BBX: variants seen among roughly 807,000 people sequenced by gnomAD.
The protein encoded by BBX is HMG box transcription factor BBX.
In BBX, 30 loss-of-function variants were observed where a neutral mutation model predicts 100.2. That is an observed-to-expected ratio of 0.30 (90% confidence interval 0.22 to 0.41). The LOEUF is 0.41. BBX is among the 10% of genes least tolerant of loss of function. BBX has a pLI of 1.00. For synonymous variants in BBX, 376 were observed against 388.1 expected (o/e 0.97, Z 0.37); for missense variants, 1,023 against 1,129.8 (o/e 0.91, Z 1.35).
intron 16 of BBX, among the ~76,000 whole-genome samples, chr3:107,799,882 G>A (rs936590092): frequency 7.9e-5 from 12 of 152,140 alleles, no homozygotes; most frequent in Admixed American, 2.0e-4. Context: ...CCCCCCGGCC[G>A]CAAAATCTTG....
chr3:107,620,948 G>T lies in BBX; in HGVS notation c.-83-24888G>T, dbSNP rs1013658763. ...ATTTCTGCGGAGTGTGTGTGTGGGGGGGTGGGGGGAGAAAATCGGAGGTCA... is the reference window on the plus strand; with the variant it reads ...ATTTCTGCGGAGTGTGTGTGTGGGGTGGTGGGGGGAGAAAATCGGAGGTCA... On this transcript the variant is annotated intron_variant, in intron 2 of 17. Transcript: ENST00000325805. Among the ~76,000 whole-genome samples the T allele has an allele frequency of 5.3e-5, 8 of 150,404 alleles. 1 individual carries two copies. The highest frequency in any genetic ancestry group is 7.4e-5 in the African/African-American group (3 of 40,320).
intron 2 of BBX, among the ~76,000 whole-genome samples, chr3:107,563,859 AAG>A (rs1410126467): frequency 6.6e-6 from 1 of 152,162 alleles, no homozygotes; most frequent in East Asian, 1.9e-4. Context: ...GAGTGAATAA[AAG>A]AGCACATTTT....
At chr3:107,748,067 G>C in intron 9 of BBX, 28 bp downstream of exon 9, 2 of 1,589,822 alleles carry the variant, frequency 1.3e-6, no homozygotes, top group Non-Finnish European at 1.7e-6. Flanking sequence ...TGCTTTTTAG[G>C]CTAAGAAAAC....
chr3:107,650,658 G>A (rs2057788889), intron 3 of BBX, among the ~76,000 whole-genome samples: 1 of 152,020 alleles, frequency 6.6e-6, no homozygotes, highest in Non-Finnish European at 1.5e-5. Flanking sequence ...ATTGTTCCAG[G>A]CTGTTCTCTT....
Position 107,798,579 on chromosome 3 carries a change from C to A in BBX, c.2410C>A (p.Pro804Thr). ...GCCTGTTCATAAGGTTAAAAATATC[C>A]CATCCATTTTCAACACTCCAGAGCC... is the stretch of plus-strand genomic sequence containing the variant. ...MEPVHKVKNI[P>T]SIFNTPEPTT... The change falls in exon 16 of 18, where the codon CCA becomes ACA. Residue 804 changes from proline (P) to threonine (T), a missense_variant. By Grantham distance (38) the Pro-to-Thr change is conservative. This residue lies in a region of BBX where 215 missense variants were observed against 211.3 expected (regional missense o/e 1.02). Coordinates refer to ENST00000325805, the MANE Select transcript of BBX (RefSeq NM_001142568.3). 1 of 1,613,852 alleles carries A rather than the reference C, an allele frequency of 6.2e-7. No homozygotes were observed. Among genetic ancestry groups the A allele is most frequent in the Non-Finnish European group, 8.5e-7 (1 of 1,179,908 alleles).
chr3:107,582,056 T>C (rs2052317692), intron 2 of BBX, among the ~76,000 whole-genome samples: 1 of 152,086 alleles, frequency 6.6e-6, no homozygotes, highest in Non-Finnish European at 1.5e-5. Flanking sequence ...CCCAAAACTT[T>C]AGGCAGAAGC....
At chr3:107,698,331 TA>T (rs200614087) in intron 3 of BBX, among the ~76,000 whole-genome samples, 2 of 151,234 alleles carry the variant, frequency 1.3e-5, no homozygotes, top group African/African-American at 2.4e-5. Context: ...ATGTTTTTTT[TA>T]AAAAAAATGT....
At chr3:107,778,288 G>A (rs1253288451) in intron 12 of BBX, 83 bp from the exon 13 acceptor site, 2 of 1,524,892 alleles carry the variant, frequency 1.3e-6, no homozygotes, top group Non-Finnish European at 1.8e-6. Context: ...TTTTCAAATA[G>A]AATATCCTAA....
chr3:107,694,917 G>C (rs1248518474), intron 3 of BBX, among the ~76,000 whole-genome samples: 1 of 151,810 alleles, frequency 6.6e-6, no homozygotes, highest in Non-Finnish European at 1.5e-5. Flanking sequence ...TCCTGGTTTA[G>C]TCTTGGGAGG....
chr3:107,796,188 C>G (rs1349382750), intron 15 of BBX, among the ~76,000 whole-genome samples: 1 of 152,216 alleles, frequency 6.6e-6, no homozygotes, highest in African/African-American at 2.4e-5. Context: ...TCTGGTCTCT[C>G]TGTGACTGTT....
At chr3:107,676,482 T>C (rs1053220800) in intron 3 of BBX, among the ~76,000 whole-genome samples, 1 of 152,178 alleles carries the variant, frequency 6.6e-6, no homozygotes. Flanking sequence ...CAGACATAGC[T>C]TATTTAGAAC....
chr3:107,789,365 A>T (rs1391927902), intron 13 of BBX, among the ~76,000 whole-genome samples: 1 of 152,220 alleles, frequency 6.6e-6, no homozygotes, highest in African/African-American at 2.4e-5. Flanking sequence ...TGCTGTCCTG[A>T]AAGTGCTATC....
At chr3:107,536,519 G>T (rs556653085) in intron 2 of BBX, among the ~76,000 whole-genome samples, 11 of 152,030 alleles carry the variant, frequency 7.2e-5, no homozygotes, top group Non-Finnish European at 1.0e-4. Context: ...GAAGGCGCTC[G>T]TCTTTTGTTT....
intron 13 of BBX, among the ~76,000 whole-genome samples, chr3:107,783,889 G>A (rs1251958272): frequency 6.6e-6 from 1 of 152,000 alleles, no homozygotes; most frequent in Admixed American, 6.6e-5. Flanking sequence ...ACCACCGCTA[G>A]TCAATTTAGA....
chr3:107,703,469 GTAT>G (rs1486502638), intron 3 of BBX, among the ~76,000 whole-genome samples: 1 of 152,116 alleles, frequency 6.6e-6, no homozygotes, highest in Non-Finnish European at 1.5e-5. Flanking sequence ...TGGAGTGCAG[GTAT>G]TAGAGATCTT....
intron 3 of BBX, among the ~76,000 whole-genome samples, chr3:107,649,544 A>G (rs575809353): frequency 1.3e-5 from 2 of 152,242 alleles, no homozygotes; most frequent in Admixed American, 6.5e-5. Context: ...AGAAGCACTC[A>G]AGAAGTAGTA....
At chr3:107,741,703 G>A (rs1175586533) in intron 7 of BBX, among the ~76,000 whole-genome samples, 1 of 152,076 alleles carries the variant, frequency 6.6e-6, no homozygotes, top group Non-Finnish European at 1.5e-5. Flanking sequence ...TAAAAAGTGT[G>A]GCCCACCTAA....
chr3:107,702,793 C>A (rs757878729), intron 3 of BBX, among the ~76,000 whole-genome samples: 3 of 152,170 alleles, frequency 2.0e-5, no homozygotes, highest in Non-Finnish European at 2.9e-5. Flanking sequence ...GAGGCAAACA[C>A]AGCCTTTTAG....
At chr3:107,643,689 C>T (rs2057353888) in intron 2 of BBX, among the ~76,000 whole-genome samples, 1 of 152,144 alleles carries the variant, frequency 6.6e-6, no homozygotes, top group African/African-American at 2.4e-5. Flanking sequence ...GGCCCACCTG[C>T]CTTTCTGATA....
Sources: gnomAD v4.1 joint callset for allele counts (sites outside exome capture counted in the v4.1 genomes callset) on GRCh38, gnomAD v4.1.1 for gene constraint, gnomAD v4.1.1 regional missense constraint, MANE v1.5 for transcripts, NCBI Gene and HGNC (gene_info 2026-07-23, HGNC 2026-07-21) for gene names.